NUP160: variants seen among roughly 807,000 people sequenced by gnomAD.
NUP160 encodes the protein nuclear pore complex protein Nup160.
Under a neutral mutation model 196.9 loss-of-function variants are expected in NUP160, and 94 were observed. The observed-to-expected ratio is 0.48, with a 90% CI of 0.40 to 0.57. The LOEUF (loss-of-function observed/expected upper bound fraction) is 0.57, where lower values mean the gene tolerates loss of function less well. Among genes scored for constraint, NUP160 ranks in the 20% least tolerant of loss-of-function variants. The pLI is 0.00. For synonymous variants in NUP160, 605 were observed against 619.7 expected (o/e 0.98, Z 0.35); for missense variants, 1,638 against 1,748.3 (o/e 0.94, Z 1.13).
rs540938938 is a variant in NUP160, at chr11:47,834,563, T to C, written c.1101+1088A>G. Among the ~76,000 whole-genome samples, 3 of 152,170 alleles carry C rather than the reference T, an allele frequency of 2.0e-5. No individual in the cohort carries two copies. In the Middle Eastern group the frequency reaches 0.01, roughly 518 times the overall value. On this transcript the variant is annotated intron_variant, in intron 7 of 35. Transcript: ENST00000378460. ...TCCATTCTGTTCCTGAGCAATCCAATCTAAAAACCTAGAGCAAGGTAGATA... is the reference window on the plus strand; with the variant it reads ...TCCATTCTGTTCCTGAGCAATCCAACCTAAAAACCTAGAGCAAGGTAGATA...
Position 47,842,987 on chromosome 11 carries a change from TA to T in NUP160, c.315-2400del, listed in dbSNP as rs564365480. On this transcript the variant is annotated intron_variant, in intron 2 of 35. Transcript: ENST00000378460. ...GGGTGACAGAGTGAAACTCTGACTC[TA>T]AAAAAAAACAAACAAACAAATGAAT... Among the ~76,000 whole-genome samples, 1,424 of 150,910 alleles carry T rather than the reference TA, an allele frequency of 9.4e-3. 27 individuals carry two copies. The highest frequency in any genetic ancestry group is 0.033 in the African/African-American group (1,361 of 41,174).
intron 7 of NUP160, among the ~76,000 whole-genome samples, chr11:47,825,949 G>A (rs1292038090): frequency 1.3e-5 from 2 of 151,920 alleles, no homozygotes; most frequent in African/African-American, 4.8e-5. Flanking sequence ...ACCCTTATAT[G>A]CAGCTGTTCA....
intron 17 of NUP160, among the ~76,000 whole-genome samples, chr11:47,809,779 C>T (rs1375530571): frequency 4.9e-5 from 6 of 122,646 alleles, no homozygotes; most frequent in South Asian, 2.8e-4. Context: ...AAATTATGGA[C>T]ATAAAGGAAA....
intron 17 of NUP160, among the ~76,000 whole-genome samples, chr11:47,809,794 G>C (rs1456537499): frequency 6.9e-6 from 1 of 145,396 alleles, no homozygotes; most frequent in Non-Finnish European, 1.5e-5. Flanking sequence ...AGGAAAAACT[G>C]GCAACAAAAA....
At chr11:47,837,095 T>C in intron 5 of NUP160, 94 bp from the exon 6 acceptor site, 1 of 693,944 alleles carries the variant, frequency 1.4e-6, no homozygotes, top group East Asian at 2.7e-5. Flanking sequence ...ATTATAAATG[T>C]ACACTCTTAG....
chr11:47,791,115 C>A (rs1219235704), intron 29 of NUP160, among the ~76,000 whole-genome samples: 4 of 152,066 alleles, frequency 2.6e-5, no homozygotes, highest in African/African-American at 9.6e-5. Flanking sequence ...GGTTTTTGTA[C>A]CTACTGGCGA....
chr11:47,838,450 G>A (rs1852223458), intron 4 of NUP160, among the ~76,000 whole-genome samples: 1 of 152,154 alleles, frequency 6.6e-6, no homozygotes, highest in Admixed American at 6.5e-5. Context: ...GCTCACACCT[G>A]TAATCCCAGC....
chr11:47,788,777 A>T (rs2097666208), intron 29 of NUP160, among the ~76,000 whole-genome samples, 166 bp from the exon 30 acceptor site: 1 of 152,164 alleles, frequency 6.6e-6, no homozygotes. Flanking sequence ...AACTTAAACA[A>T]ATTATGCAAT....
chr11:47,832,058 C>G (rs542853287), intron 7 of NUP160, among the ~76,000 whole-genome samples: 1 of 151,778 alleles, frequency 6.6e-6, no homozygotes, highest in South Asian at 2.1e-4. Context: ...TGCACCACTA[C>G]GCCCAGCTAA....
At chr11:47,828,135 C>T (rs1470595463) in intron 7 of NUP160, among the ~76,000 whole-genome samples, 1 of 152,134 alleles carries the variant, frequency 6.6e-6, no homozygotes, top group East Asian at 1.9e-4. Context: ...TCCCAAAGTG[C>T]TGGGATTACA....
intron 13 of NUP160, among the ~76,000 whole-genome samples, chr11:47,814,387 A>G (rs2097683048): frequency 6.6e-6 from 1 of 152,116 alleles, no homozygotes; most frequent in Admixed American, 6.6e-5. Flanking sequence ...TATTAAAAAT[A>G]CAAAACTAGC....
intron 8 of NUP160, 42 bp downstream of exon 8, chr11:47,822,045 T>C: frequency 7.6e-7 from 1 of 1,322,970 alleles, no homozygotes; most frequent in Non-Finnish European, 1.1e-6. Flanking sequence ...AATACTTCTT[T>C]TTCTTGTACT....
chr11:47,803,707 C>T (rs145522044), intron 21 of NUP160, among the ~76,000 whole-genome samples, 171 bp from the exon 22 acceptor site: 152 of 152,284 alleles, frequency 1.0e-3, no homozygotes, highest in South Asian at 1.9e-3. Context: ...CTTCTTCATC[C>T]ATTCCCCCTT....
intron 32 of NUP160, among the ~76,000 whole-genome samples, chr11:47,786,188 G>GT (rs1318153466): frequency 6.6e-6 from 1 of 152,166 alleles, no homozygotes; most frequent in Non-Finnish European, 1.5e-5. Context: ...ATTTTTGCCT[G>GT]TAAGAGTACC....
intron 17 of NUP160, among the ~76,000 whole-genome samples, chr11:47,810,883 T>A (rs530693551): frequency 1.3e-5 from 2 of 152,200 alleles, no homozygotes; most frequent in Admixed American, 1.3e-4. Flanking sequence ...TATAAGTACA[T>A]TTATACATTT....
intron 7 of NUP160, among the ~76,000 whole-genome samples, chr11:47,830,173 A>G (rs1852045642): frequency 6.6e-6 from 1 of 152,232 alleles, no homozygotes; most frequent in Non-Finnish European, 1.5e-5. Context: ...ATACCATCGC[A>G]CAGCAGTCAG....
intron 7 of NUP160, among the ~76,000 whole-genome samples, chr11:47,825,127 C>T (rs571594401): frequency 4.1e-4 from 62 of 151,864 alleles, no homozygotes; most frequent in African/African-American, 1.4e-3. Flanking sequence ...GAGCCAACCG[C>T]GCCCAGCCGG....
intron 13 of NUP160, among the ~76,000 whole-genome samples, chr11:47,814,243 T>TAA (rs2097682943): frequency 6.6e-6 from 1 of 151,940 alleles, no homozygotes; most frequent in Non-Finnish European, 1.5e-5. Flanking sequence ...CAGTTTGAGG[T>TAA]TAAGCTAAAG....
intron 19 of NUP160, 87 bp downstream of exon 19, chr11:47,806,983 T>C: frequency 1.1e-6 from 1 of 948,854 alleles, no homozygotes; most frequent in Non-Finnish European, 1.7e-6. Flanking sequence ...CCAACCTTTC[T>C]ATGGCAAAGG....
Sources: allele counts gnomAD v4.1 joint callset (sites outside exome capture counted in the v4.1 genomes callset), GRCh38; gene constraint gnomAD v4.1.1; transcripts MANE v1.5; gene names NCBI Gene and HGNC (gene_info 2026-07-23, HGNC 2026-07-21).